CNGA1: variants seen among roughly 807,000 people sequenced by gnomAD.
CNGA1 encodes the protein cyclic nucleotide gated channel subunit alpha 1, also known as cyclic nucleotide-gated channel alpha-1.
CNGA1 carries 53 observed loss-of-function variants against 69.7 expected under a neutral mutation model. The observed-to-expected ratio is 0.76, with a 90% CI of 0.61 to 0.96. The LOEUF is 0.96. Ranked by LOEUF, CNGA1 falls within the 40% of genes least tolerant of loss-of-function variation. The probability of loss-of-function intolerance (pLI) is 0.00; values close to 1 mark genes in which losing one functional copy is unlikely to be tolerated. For missense variants in CNGA1, 739 were observed against 811.2 expected, an observed-to-expected ratio of 0.91 and a Z score of 1.08; for synonymous variants, 249 against 283.5, an observed-to-expected ratio of 0.88 and a Z score of 1.22.
intron 2 of CNGA1, among the ~76,000 whole-genome samples, chr4:47,983,353 G>A (rs1447148809): frequency 6.6e-6 from 1 of 152,002 alleles, no homozygotes; most frequent in East Asian, 2.0e-4. Context: ...CACTTTGGGA[G>A]GCTGAGGCGG....
chr4:48,013,688 C>G (rs1437173040), intron 1 of CNGA1, among the ~76,000 whole-genome samples: 1 of 152,170 alleles, frequency 6.6e-6, no homozygotes, highest in Non-Finnish European at 1.5e-5. Flanking sequence ...TTCCCTTTAG[C>G]TTAGTGATTT....
At chr4:47,956,394 G>T (rs772149693) in intron 3 of CNGA1, among the ~76,000 whole-genome samples, 4 of 152,138 alleles carry the variant, frequency 2.6e-5, no homozygotes, top group Non-Finnish European at 5.9e-5. Context: ...AAGGAAGTGC[G>T]TTCTTGAATA....
intron 2 of CNGA1, among the ~76,000 whole-genome samples, chr4:48,009,705 G>A (rs1715068391): frequency 2.0e-5 from 3 of 152,048 alleles, no homozygotes; most frequent in Non-Finnish European, 4.4e-5. Flanking sequence ...ATGGGAGGCT[G>A]AGGCAGGAGA....
rs138536966 is a variant in CNGA1 at position 48,011,700 on chromosome 4, A to G, written c.-222-807T>C. Among the ~76,000 whole-genome samples the G allele has an allele frequency of 2.6e-5, 4 of 152,298 alleles. No individual in the cohort carries two copies. In the East Asian group the frequency reaches 7.7e-4, roughly 29 times the overall value. ...GACATCAATTAAATACATTTAAGAA[A>G]TATATTGGTTTGGTCCAGAAAGGTG... On this transcript the variant is annotated intron_variant, in intron 1 of 10. Transcript: ENST00000514170.
chr4:47,954,540 G>C (rs143705682), intron 3 of CNGA1, among the ~76,000 whole-genome samples: 1 of 152,214 alleles, frequency 6.6e-6, no homozygotes, highest in African/African-American at 2.4e-5. Context: ...AGGGGAATCA[G>C]AAAACCTTCC....
At chr4:47,992,598 T>C (rs1742315808) in intron 2 of CNGA1, among the ~76,000 whole-genome samples, 1 of 152,084 alleles carries the variant, frequency 6.6e-6, no homozygotes, top group Non-Finnish European at 1.5e-5. Context: ...AGGTAAACAA[T>C]CATACCATCA....
At chr4:47,969,480 GT>G (rs1192201987) in intron 3 of CNGA1, among the ~76,000 whole-genome samples, 2 of 151,508 alleles carry the variant, frequency 1.3e-5, no homozygotes, top group African/African-American at 4.8e-5. Flanking sequence ...TCGTTTTTTT[GT>G]TTTTTTTAGA....
intron 3 of CNGA1, among the ~76,000 whole-genome samples, chr4:47,962,523 A>T (rs1418007146): frequency 6.6e-6 from 1 of 152,178 alleles, no homozygotes; most frequent in Non-Finnish European, 1.5e-5. Flanking sequence ...AAAGCACTCT[A>T]TTCAGGTAAT....
At chr4:47,999,697 C>T (rs925051197) in intron 2 of CNGA1, among the ~76,000 whole-genome samples, 1 of 152,040 alleles carries the variant, frequency 6.6e-6, no homozygotes, top group African/African-American at 2.4e-5. Flanking sequence ...ATGGTGAAAT[C>T]CCGTCTCTAC....
intron 2 of CNGA1, among the ~76,000 whole-genome samples, chr4:48,002,057 G>C (rs1347815597): frequency 6.6e-6 from 1 of 152,146 alleles, no homozygotes. Context: ...GCAGTATTTG[G>C]AGGCAAATGT....
intron 8 of CNGA1, 85 bp from the exon 9 acceptor site, chr4:47,942,233 A>G (rs556323852): frequency 1.2e-5 from 10 of 849,314 alleles, no homozygotes; most frequent in Admixed American, 8.7e-5. Flanking sequence ...TATGCCCATC[A>G]ACCACAATTA....
chr4:48,014,260 G>A lies in CNGA1; in HGVS notation c.-223+2223C>T, dbSNP rs115813105. ...AACTTTATGTCATTAAAGACAGTGTGTGGTACTATAACGGTATTCCCCAAA... is the reference window on the plus strand; with the variant it reads ...AACTTTATGTCATTAAAGACAGTGTATGGTACTATAACGGTATTCCCCAAA... On this transcript the variant is annotated intron_variant, in intron 1 of 10. Coordinates refer to ENST00000514170, the MANE Select transcript of CNGA1 (RefSeq NM_001379270.1). 9.5e-3 allele frequency among the ~76,000 whole-genome samples: 1,447 copies of A among 152,280 alleles called. 20 individuals are homozygous for A. Among genetic ancestry groups the A allele is most frequent in the African/African-American group, 0.033 (1,376 of 41,544 alleles).
chr4:47,986,931 T>G (rs1005509290), intron 2 of CNGA1, among the ~76,000 whole-genome samples: 1 of 152,174 alleles, frequency 6.6e-6, no homozygotes, highest in Non-Finnish European at 1.5e-5. Flanking sequence ...ACTTACATAC[T>G]ACAATATTTT....
At chr4:47,987,894 G>A (rs1742056023) in intron 2 of CNGA1, among the ~76,000 whole-genome samples, 1 of 152,270 alleles carries the variant, frequency 6.6e-6, no homozygotes, top group South Asian at 2.1e-4. Flanking sequence ...ACAGAACTGT[G>A]TTGGTGTGTT....
At chr4:47,954,398 G>T (rs1739933933) in intron 3 of CNGA1, among the ~76,000 whole-genome samples, 1 of 152,216 alleles carries the variant, frequency 6.6e-6, no homozygotes, top group Non-Finnish European at 1.5e-5. Context: ...GGCTAAAGGA[G>T]CTCACTATAA....
chr4:47,979,978 G>T lies in CNGA1; in HGVS notation c.-15+1415C>A, dbSNP rs565259105. On this transcript the variant is annotated intron_variant, in intron 3 of 10. Transcript: ENST00000514170. ...TCATTAATTTCTAACTTTGACTGTG[G>T]CCTGTATAGTTTTTTGCTTTACTGA... is the stretch of plus-strand genomic sequence containing the variant. Among the ~76,000 whole-genome samples the T allele has an allele frequency of 2.6e-5, 4 of 152,204 alleles. No individual in the cohort carries two copies. In the East Asian group the frequency reaches 5.8e-4, roughly 22 times the overall value.
chr4:47,949,051 C>A (rs1739591808), intron 6 of CNGA1, among the ~76,000 whole-genome samples: 2 of 152,220 alleles, frequency 1.3e-5, no homozygotes, highest in Admixed American at 1.3e-4. Context: ...GGTATTCCCA[C>A]ATGGGGTGAA....
Position 47,984,663 on chromosome 4 carries a change from T to TAC in CNGA1, c.-122-3165_-122-3164dup, listed in dbSNP as rs60055899. 3.0e-3 allele frequency among the ~76,000 whole-genome samples: 386 copies of TAC among 127,300 alleles called. 1 individual carries two copies. Among genetic ancestry groups the TAC allele is most frequent in the African/African-American group, 9.4e-3 (353 of 37,422 alleles). 83.5% of individuals were successfully genotyped at this position (127,300 alleles called of 152,430 possible). A position where few individuals can be genotyped will look rare whatever the true frequency, so the allele number is the denominator to read the frequency against. Reference sequence around the variant, plus strand: ...AATAAAAAAAATATATATATATATATACACACACACACACACACACACACA... The same window carrying TAC: ...AATAAAAAAAATATATATATATATATACACACACACACACACACACACACACA... On this transcript the variant is annotated intron_variant, in intron 2 of 10. Transcript: ENST00000514170.
intron 5 of CNGA1, among the ~76,000 whole-genome samples, chr4:47,950,534 G>A (rs928628647): frequency 9.2e-5 from 14 of 152,138 alleles, no homozygotes; most frequent in Non-Finnish European, 1.8e-4. Flanking sequence ...TAGCTTAAGT[G>A]AACCAACCTC....
Sources: gnomAD v4.1 joint callset for allele counts (sites outside exome capture counted in the v4.1 genomes callset) on GRCh38, gnomAD v4.1.1 for gene constraint, MANE v1.5 for transcripts, NCBI Gene and HGNC (gene_info 2026-07-23, HGNC 2026-07-21) for gene names.